The following NPEPPS variants were observed in gnomAD, a reference collection of about 807,000 sequenced individuals.
The protein encoded by NPEPPS is aminopeptidase puromycin sensitive, also known as puromycin-sensitive aminopeptidase.
A neutral mutation model predicts 115.5 loss-of-function variants in NPEPPS; 14 were observed. The ratio of observed to expected loss-of-function variants is 0.12; its 90% CI spans 0.08 to 0.19. The LOEUF (loss-of-function observed/expected upper bound fraction) is 0.19. NPEPPS is among the 10% of genes least tolerant of loss of function. NPEPPS has a pLI of 1.00. For missense variants in NPEPPS, 523 were observed against 1,110.8 expected (o/e 0.47, Z 7.52); for synonymous variants, 285 against 390.6 (o/e 0.73, Z 3.19).
chr17:47,597,178 A>G (rs997728434), intron 13 of NPEPPS, among the ~76,000 whole-genome samples: 1 of 151,324 alleles, frequency 6.6e-6, no homozygotes, highest in Admixed American at 6.6e-5. Flanking sequence ...TATAATATCA[A>G]TTGTGTAAAG....
intron 2 of NPEPPS, among the ~76,000 whole-genome samples, chr17:47,552,897 G>C (rs1416282513): frequency 1.3e-5 from 2 of 152,182 alleles, no homozygotes; most frequent in Non-Finnish European, 2.9e-5. Flanking sequence ...TAGGCACAGA[G>C]AGGGTATCTA....
At chr17:47,555,031 A>T (rs1238612893) in intron 2 of NPEPPS, among the ~76,000 whole-genome samples, 1 of 152,210 alleles carries the variant, frequency 6.6e-6, no homozygotes, top group Non-Finnish European at 1.5e-5. Flanking sequence ...TAGGCAGTTG[A>T]AACTGTGGAA....
At chr17:47,540,877 A>G (rs1908704119) in intron 1 of NPEPPS, among the ~76,000 whole-genome samples, 1 of 152,166 alleles carries the variant, frequency 6.6e-6, no homozygotes, top group African/African-American at 2.4e-5. Context: ...CAATTTTTAA[A>G]ATGTGAATGG....
chr17:47,542,406 C>T (rs896128685), intron 1 of NPEPPS, among the ~76,000 whole-genome samples: 4 of 151,962 alleles, frequency 2.6e-5, no homozygotes, highest in African/African-American at 9.7e-5. Context: ...ATTTACCGGG[C>T]GTAGTGGCAC....
chr17:47,535,995 C>T (rs1180263416), intron 1 of NPEPPS, among the ~76,000 whole-genome samples: 3 of 151,796 alleles, frequency 2.0e-5, no homozygotes, highest in Non-Finnish European at 1.5e-5. Flanking sequence ...CGCCGCCATG[C>T]CTGGCTGATT....
intron 7 of NPEPPS, 50 bp downstream of exon 7, chr17:47,586,294 T>G (rs1427612169): frequency 1.8e-6 from 2 of 1,128,892 alleles, no homozygotes; most frequent in East Asian, 5.9e-5. Context: ...TTTTAAAATT[T>G]TGTGACTTTT....
At chr17:47,533,712 A>G (rs2143658537) in intron 1 of NPEPPS, among the ~76,000 whole-genome samples, 1 of 152,246 alleles carries the variant, frequency 6.6e-6, no homozygotes, top group Admixed American at 6.6e-5. Context: ...TTTGTGGAAG[A>G]CTGGTTTGTG....
intron 10 of NPEPPS, among the ~76,000 whole-genome samples, chr17:47,591,352 CAA>C (rs1035961961): frequency 1.3e-5 from 2 of 151,686 alleles, no homozygotes; most frequent in African/African-American, 4.8e-5. Context: ...GCCTGGGCAA[CAA>C]GAGCAAAAAA....
At chr17:47,586,649 T>A (rs1000915200) in intron 8 of NPEPPS, 1 of 572,236 alleles carries the variant, frequency 1.7e-6, no homozygotes, top group Non-Finnish European at 3.3e-6. Flanking sequence ...TTGGCTAAGT[T>A]TCTCATTGCA....
chr17:47,619,098 A>T lies in NPEPPS; in HGVS notation c.2493A>T (p.Ile831=). The T allele has an allele frequency of 6.2e-7, 1 of 1,613,982 alleles. No individual in the cohort carries two copies. Among genetic ancestry groups the T allele is most frequent in the Non-Finnish European group, 8.5e-7 (1 of 1,179,870 alleles). The change falls in exon 21 of 23, where the codon ATA becomes ATT. Residue 831 remains isoleucine, a synonymous_variant. Transcript: ENST00000322157. ...GTAGGAAAGCTGCTTGGAAATTCAT[A>T]AAGGACAACTGGGAAGAACTTTATA... ...KHGRKAAWKF[I]KDNWEELYNR... is the part of the protein sequence containing the mutation.
intron 4 of NPEPPS, chr17:47,579,734 G>A (rs550759620): frequency 1.0e-5 from 4 of 399,852 alleles, no homozygotes; most frequent in South Asian, 3.0e-5. Flanking sequence ...ACACACAGAC[G>A]CTCAAACACA....
At chr17:47,541,996 G>A (rs1011478573) in intron 1 of NPEPPS, among the ~76,000 whole-genome samples, 8 of 152,088 alleles carry the variant, frequency 5.3e-5, no homozygotes, top group African/African-American at 1.7e-4. Context: ...GGTAATTTTA[G>A]TTGCCAGCTA....
At chr17:47,556,182 T>A (rs1910018218) in intron 2 of NPEPPS, among the ~76,000 whole-genome samples, 1 of 149,296 alleles carries the variant, frequency 6.7e-6, no homozygotes. Context: ...GATAAACAAG[T>A]GAACAAAGGT....
chr17:47,597,468 T>C (rs932957579), intron 13 of NPEPPS, among the ~76,000 whole-genome samples: 2 of 152,212 alleles, frequency 1.3e-5, no homozygotes, highest in African/African-American at 4.8e-5. Flanking sequence ...AGTTCTTTTT[T>C]AGTATGTGTT....
intron 3 of NPEPPS, among the ~76,000 whole-genome samples, chr17:47,574,292 T>C (rs1336645755): frequency 6.6e-6 from 1 of 152,028 alleles, no homozygotes; most frequent in Admixed American, 6.6e-5. Context: ...AAAACTGATA[T>C]TTAAAAATAG....
Position 47,600,510 on chromosome 17 carries a change from G to A in NPEPPS, c.1600+771G>A, listed in dbSNP as rs946334334. On this transcript the variant is annotated intron_variant, in intron 14 of 22. Coordinates refer to ENST00000322157, the MANE Select transcript of NPEPPS (RefSeq NM_006310.4). ...TAAATCTGTACGTGTCACAGTTGCC[G>A]TTTTCTGCCTCTTACCTATAATCCA... Among the ~76,000 whole-genome samples, 2 of 152,258 alleles carry A rather than the reference G, an allele frequency of 1.3e-5. 1 individual carries two copies. Among genetic ancestry groups the A allele is most frequent in the Middle Eastern group, 6.8e-3 (2 of 294 alleles).
intron 1 of NPEPPS, among the ~76,000 whole-genome samples, chr17:47,535,705 T>C (rs965039070): frequency 4.0e-5 from 6 of 151,368 alleles, no homozygotes; most frequent in Admixed American, 3.3e-4. Flanking sequence ...CAGTGGACTT[T>C]TGTAGATATT....
chr17:47,602,798 G>A (rs1028922452), intron 15 of NPEPPS, among the ~76,000 whole-genome samples: 7 of 151,616 alleles, frequency 4.6e-5, no homozygotes, highest in African/African-American at 1.7e-4. Flanking sequence ...GAGCCACCAT[G>A]CCTGGCATTG....
At chr17:47,616,439 T>C (rs1200143644) in intron 19 of NPEPPS, among the ~76,000 whole-genome samples, 7 of 152,006 alleles carry the variant, frequency 4.6e-5, no homozygotes, top group Non-Finnish European at 1.0e-4. Flanking sequence ...ATCCCAGCAC[T>C]TTGGGAGGCC....
Sources: gnomAD v4.1 joint callset for allele counts (sites outside exome capture counted in the v4.1 genomes callset) on GRCh38, gnomAD v4.1.1 for gene constraint, MANE v1.5 for transcripts, NCBI Gene and HGNC (gene_info 2026-07-23, HGNC 2026-07-21) for gene names.